Variants in SHISA9 observed in about 807,000 individuals in gnomAD.
SHISA9 encodes protein shisa-9.
In SHISA9, 13 loss-of-function variants were observed where a neutral mutation model predicts 38.0. That is an observed-to-expected ratio of 0.34 (90% CI 0.22 to 0.54). SHISA9 has a LOEUF of 0.54. Among genes scored for constraint, SHISA9 ranks in the 20% least tolerant of loss-of-function variants. SHISA9 has a pLI of 0.91. For missense variants in SHISA9, 538 were observed against 575.8 expected (o/e 0.93, Z 0.67); for synonymous variants, 275 against 242.0 (o/e 1.14, Z -1.27).
At chr16:13,015,611 C>T (rs2072732158) in intron 2 of SHISA9, among the ~76,000 whole-genome samples, 1 of 152,120 alleles carries the variant, frequency 6.6e-6, no homozygotes, top group South Asian at 2.1e-4. Flanking sequence ...ACTGGGACTG[C>T]AAAGTCAATG....
the SHISA9 span, among the ~76,000 whole-genome samples, chr16:13,551,104 A>G: frequency 6.6e-6 from 1 of 150,810 alleles, no homozygotes. Flanking sequence ...AGCCTGGGCG[A>G]CAGTGAGAGA....
At chr16:13,354,363 A>G in the SHISA9 span, among the ~76,000 whole-genome samples, 2 of 131,390 alleles carry the variant, frequency 1.5e-5, no homozygotes, top group South Asian at 5.9e-4. Flanking sequence ...ACAGGAAAGA[A>G]GGAAATTTGG....
intron 2 of SHISA9, among the ~76,000 whole-genome samples, chr16:12,970,028 T>C (rs1169585207): frequency 3.9e-5 from 6 of 151,988 alleles, no homozygotes; most frequent in Non-Finnish European, 8.8e-5. Context: ...AGGGGCTTCA[T>C]GGATAGCCCT....
Position 12,974,335 on chromosome 16 carries a change from A to G in SHISA9, c.691+57520A>G, listed in dbSNP as rs191514321. The stretch of plus-strand genomic sequence containing the variant: ...GGTAGTTCCCTAAAGGAAAATTGAC[A>G]TGTTCTTACCCAAAGAAGGAGGCAT... On this transcript the variant is annotated intron_variant, in intron 2 of 4. Transcript: ENST00000558583. 2.5e-3 allele frequency among the ~76,000 whole-genome samples: 377 copies of G among 152,200 alleles called. 3 individuals are homozygous for G. The highest frequency in any genetic ancestry group is 8.6e-3 in the African/African-American group (355 of 41,520).
At chr16:13,259,229 G>A in the SHISA9 span, among the ~76,000 whole-genome samples, 2 of 152,220 alleles carry the variant, frequency 1.3e-5, no homozygotes, top group Admixed American at 6.5e-5. Flanking sequence ...GCTCTAAAAC[G>A]ATCTCCTTTG....
the SHISA9 span, among the ~76,000 whole-genome samples, chr16:13,249,640 G>A: frequency 6.6e-6 from 1 of 151,990 alleles, no homozygotes; most frequent in Non-Finnish European, 1.5e-5. Context: ...CTCTTTCTCT[G>A]TTTCCTTCTC....
chr16:12,949,301 G>T (rs1043233725), intron 2 of SHISA9, among the ~76,000 whole-genome samples: 1 of 152,222 alleles, frequency 6.6e-6, no homozygotes, highest in Admixed American at 6.5e-5. Flanking sequence ...CTGATTCCAC[G>T]GGCAGCTCTG....
At chr16:12,956,186 C>T (rs2071832293) in intron 2 of SHISA9, among the ~76,000 whole-genome samples, 1 of 145,998 alleles carries the variant, frequency 6.8e-6, no homozygotes, top group African/African-American at 2.5e-5. Context: ...CTGAGCTACG[C>T]CTTACACCTG....
At chr16:13,333,222 A>T in the SHISA9 span, among the ~76,000 whole-genome samples, 2 of 152,194 alleles carry the variant, frequency 1.3e-5, no homozygotes, top group African/African-American at 2.4e-5. Flanking sequence ...AAAGGAAGGA[A>T]AACAAAGCCA....
the SHISA9 span, among the ~76,000 whole-genome samples, chr16:13,263,891 C>G: frequency 2.0e-5 from 3 of 151,970 alleles, no homozygotes; most frequent in African/African-American, 7.3e-5. Flanking sequence ...AAATGTCTTT[C>G]AAAATCTTGT....
At chr16:13,341,408 A>G in the SHISA9 span, among the ~76,000 whole-genome samples, 3 of 152,312 alleles carry the variant, frequency 2.0e-5, no homozygotes, top group East Asian at 5.8e-4. Context: ...CTGCAACCCA[A>G]TAAAACCTTT....
chr16:13,263,021 T>C, the SHISA9 span, among the ~76,000 whole-genome samples: 1 of 152,278 alleles, frequency 6.6e-6, no homozygotes, highest in East Asian at 1.9e-4. Flanking sequence ...AAGCCTCTGT[T>C]TACTTGCCTT....
At chr16:13,276,802 A>G in the SHISA9 span, among the ~76,000 whole-genome samples, 1 of 152,060 alleles carries the variant, frequency 6.6e-6, no homozygotes, top group Non-Finnish European at 1.5e-5. Context: ...AGTTAGTTGT[A>G]GATTCCGGAT....
chr16:13,263,957 T>G, the SHISA9 span, among the ~76,000 whole-genome samples: 1 of 152,174 alleles, frequency 6.6e-6, no homozygotes, highest in South Asian at 2.1e-4. Flanking sequence ...TACCTGTTTC[T>G]TTTTCAAAAA....
In SHISA9 at chr16:12,952,652, C is replaced by T. The variant is rs144617293; in HGVS notation, c.691+35837C>T. Among the ~76,000 whole-genome samples the T allele has an allele frequency of 1.0e-2, 1,515 of 152,182 alleles. 6 individuals are homozygous for T. Among genetic ancestry groups the T allele is most frequent in the East Asian group, 0.028 (146 of 5,162 alleles). ...TTTTAGTGATATGAGTGAGTTCTCA[C>T]GGGATCTGATGGTTTTAAAAGTGGC... On this transcript the variant is annotated intron_variant, in intron 2 of 4. Transcript: ENST00000558583.
chr16:13,491,429 C>T, the SHISA9 span, among the ~76,000 whole-genome samples: 2 of 146,078 alleles, frequency 1.4e-5, 1 homozygote. Context: ...GATGGTGAAA[C>T]TGAGGCTAAC....
chr16:13,435,338 T>C, the SHISA9 span, among the ~76,000 whole-genome samples: 2 of 152,030 alleles, frequency 1.3e-5, no homozygotes, highest in Non-Finnish European at 2.9e-5. Context: ...GAATCTGAAA[T>C]GTGGTTGAAA....
the SHISA9 span, among the ~76,000 whole-genome samples, chr16:13,479,937 T>G: frequency 3.3e-5 from 5 of 152,206 alleles, no homozygotes; most frequent in East Asian, 9.6e-4. Flanking sequence ...CAAGATGGCT[T>G]AGGAGGCGGA....
At chr16:13,516,577 A>C in the SHISA9 span, among the ~76,000 whole-genome samples, 2 of 152,142 alleles carry the variant, frequency 1.3e-5, no homozygotes, top group Non-Finnish European at 1.5e-5. Flanking sequence ...AGGTGGGTGG[A>C]TTGCCTGAGG....
Sources: gnomAD v4.1 joint callset for allele counts (sites outside exome capture counted in the v4.1 genomes callset) on GRCh38, gnomAD v4.1.1 for gene constraint, MANE v1.5 for transcripts, NCBI Gene and HGNC (gene_info 2026-07-23, HGNC 2026-07-21) for gene names.